Variants in GRID2 observed in about 807,000 individuals in gnomAD.
GRID2 encodes glutamate receptor ionotropic, delta-2.
GRID2 carries 33 observed loss-of-function variants against 114.8 expected under a neutral mutation model. The observed-to-expected ratio is 0.29, with a 90% CI of 0.22 to 0.38. The LOEUF (loss-of-function observed/expected upper bound fraction) is 0.38, where lower values mean the gene tolerates loss of function less well. GRID2 is among the 10% of genes least tolerant of loss of function. GRID2 has a pLI of 1.00. For missense variants in GRID2, 1,184 were observed against 1,257.7 expected, an observed-to-expected ratio of 0.94 and a Z score of 0.89; for synonymous variants, 505 against 449.9, an observed-to-expected ratio of 1.12 and a Z score of -1.55.
chr4:92,991,371 T>C (rs745863857), intron 2 of GRID2, among the ~76,000 whole-genome samples: 57 of 152,190 alleles, frequency 3.7e-4, no homozygotes, highest in Non-Finnish European at 1.9e-4. Context: ...GAGTAAAGCA[T>C]AGTAAGCTAT....
intron 2 of GRID2, among the ~76,000 whole-genome samples, chr4:93,012,910 C>T (rs916979232): frequency 3.3e-5 from 5 of 151,590 alleles, no homozygotes; most frequent in Non-Finnish European, 5.9e-5. Flanking sequence ...ATATATATGA[C>T]ATATATATAT....
chr4:92,794,365 T>C (rs1381340761), intron 2 of GRID2, among the ~76,000 whole-genome samples: 2 of 151,850 alleles, frequency 1.3e-5, no homozygotes, highest in Non-Finnish European at 2.9e-5. Context: ...CTGCCATATA[T>C]ATATGTGTGT....
At chr4:93,068,904 C>T (rs1003615977) in intron 2 of GRID2, among the ~76,000 whole-genome samples, 2 of 151,976 alleles carry the variant, frequency 1.3e-5, no homozygotes, top group South Asian at 2.1e-4. Flanking sequence ...ATACAGGAAG[C>T]ATGATGTTGG....
intron 2 of GRID2, among the ~76,000 whole-genome samples, chr4:93,021,742 A>G (rs1357151157): frequency 1.4e-5 from 2 of 145,840 alleles, no homozygotes; most frequent in Non-Finnish European, 3.0e-5. Flanking sequence ...TATGAATATT[A>G]TAATTATTTA....
chr4:92,951,957 G>T (rs1752073370), intron 2 of GRID2, among the ~76,000 whole-genome samples: 1 of 151,960 alleles, frequency 6.6e-6, no homozygotes, highest in South Asian at 2.1e-4. Context: ...AAGTCTTATT[G>T]ATTGATAGAT....
chr4:92,427,574 T>C lies in GRID2; in HGVS notation c.88+122830T>C, dbSNP rs181892919. 5.1e-3 allele frequency among the ~76,000 whole-genome samples: 782 copies of C among 152,298 alleles called. 3 individuals carry two copies. Among genetic ancestry groups the C allele is most frequent in the South Asian group, 0.02 (97 of 4,828 alleles). Reference sequence around the variant, plus strand: ...TATTTTGCCTTATTATAATTGTAGATGGAAAATTCAATTTTTAAGAAAATG... The same window carrying C: ...TATTTTGCCTTATTATAATTGTAGACGGAAAATTCAATTTTTAAGAAAATG... On this transcript the variant is annotated intron_variant, in intron 1 of 15. Transcript: ENST00000282020.
intron 2 of GRID2, among the ~76,000 whole-genome samples, chr4:92,799,189 T>A (rs2149370664): frequency 6.6e-6 from 1 of 152,106 alleles, no homozygotes; most frequent in East Asian, 2.0e-4. Flanking sequence ...TGGGAGACAG[T>A]GACAGATCAC....
intron 2 of GRID2, among the ~76,000 whole-genome samples, chr4:92,876,498 G>T (rs994959334): frequency 6.6e-6 from 1 of 151,960 alleles, no homozygotes; most frequent in Non-Finnish European, 1.5e-5. Flanking sequence ...TAAAGACGGG[G>T]TTTCACCGTG....
At chr4:93,755,708 G>A (rs1423902763) in intron 14 of GRID2, among the ~76,000 whole-genome samples, 1 of 152,118 alleles carries the variant, frequency 6.6e-6, no homozygotes, top group Non-Finnish European at 1.5e-5. Context: ...ACGAAGATCG[G>A]CTTCTACCAA....
At chr4:92,790,865 A>G (rs1415412508) in intron 2 of GRID2, among the ~76,000 whole-genome samples, 1 of 151,766 alleles carries the variant, frequency 6.6e-6, no homozygotes. Context: ...TGGAAGCATT[A>G]GAGTGAAGGG....
chr4:92,784,482 G>T (rs948724617), intron 2 of GRID2, among the ~76,000 whole-genome samples: 1 of 151,380 alleles, frequency 6.6e-6, no homozygotes, highest in South Asian at 2.1e-4. Context: ...ATCCAGTCAG[G>T]CAAGTGAAAT....
At chr4:92,639,117 A>T (rs1255849104) in intron 2 of GRID2, among the ~76,000 whole-genome samples, 1 of 151,624 alleles carries the variant, frequency 6.6e-6, no homozygotes, top group Non-Finnish European at 1.5e-5. Flanking sequence ...ACGTATCTTT[A>T]GAATGTGTCA....
chr4:93,543,714 G>T (rs1270115403), intron 13 of GRID2, among the ~76,000 whole-genome samples: 3 of 92,962 alleles, frequency 3.2e-5, no homozygotes, highest in Admixed American at 2.1e-4. Context: ...GAGAGATAGA[G>T]AGAGAGAGAG....
chr4:93,618,885 C>A (rs73841815), intron 13 of GRID2, among the ~76,000 whole-genome samples: 1 of 151,960 alleles, frequency 6.6e-6, no homozygotes, highest in Non-Finnish European at 1.5e-5. Context: ...AAGTTGGCAG[C>A]GGAGGGTAAA....
chr4:93,182,834 T>C (rs984457732), intron 4 of GRID2, among the ~76,000 whole-genome samples: 4 of 152,190 alleles, frequency 2.6e-5, no homozygotes, highest in African/African-American at 9.7e-5. Flanking sequence ...AGTGCAGTAG[T>C]TTTCAGAGTG....
chr4:92,753,731 G>A (rs569356118), intron 2 of GRID2, among the ~76,000 whole-genome samples: 3 of 152,210 alleles, frequency 2.0e-5, no homozygotes, highest in South Asian at 2.1e-4. Context: ...AAGGGTTCAC[G>A]GAGTTACTGT....
At chr4:93,472,255 G>A (rs532493656) in intron 11 of GRID2, among the ~76,000 whole-genome samples, 45 of 151,840 alleles carry the variant, frequency 3.0e-4, no homozygotes, top group East Asian at 9.9e-4. Context: ...CCCAGAAGGC[G>A]GAGGTTGCAG....
rs1400649470 is a variant in GRID2 at position 92,692,721 on chromosome 4, C to T, written c.244+102435C>T. Among the ~76,000 whole-genome samples the T allele has an allele frequency of 2.0e-5, 3 of 152,086 alleles. No individual in the cohort carries two copies. In the East Asian group the frequency reaches 5.8e-4, roughly 29 times the overall value. On this transcript the variant is annotated intron_variant, in intron 2 of 15. Transcript: ENST00000282020. ...TTTAGAACTAGACTGTGTGGCCAAG[C>T]ATATAGAAATGCAGAATGTTGCCAG...
chr4:93,514,127 A>C (rs2149489442), intron 12 of GRID2, among the ~76,000 whole-genome samples: 1 of 152,310 alleles, frequency 6.6e-6, no homozygotes, highest in East Asian at 1.9e-4. Context: ...TCAAAGGCAC[A>C]GTATTTGTTC....
Sources: allele counts gnomAD v4.1 joint callset (sites outside exome capture counted in the v4.1 genomes callset), GRCh38; gene constraint gnomAD v4.1.1; transcripts MANE v1.5; gene names NCBI Gene and HGNC (gene_info 2026-07-23, HGNC 2026-07-21).